NIN: variants seen among roughly 807,000 people sequenced by gnomAD.
NIN encodes ninein.
Under a neutral mutation model 257.6 loss-of-function variants are expected in NIN, and 137 were observed. The observed-to-expected ratio is 0.53, with a 90% CI of 0.46 to 0.61. NIN has a LOEUF of 0.61. Among genes scored for constraint, NIN ranks in the 20% least tolerant of loss-of-function variants. The pLI, the probability that NIN is intolerant of heterozygous loss-of-function variation, is 0.00. For missense variants in NIN, 2,439 were observed against 2,501.2 expected, an observed-to-expected ratio of 0.98 and a Z score of 0.53; for synonymous variants, 918 against 919.8, an observed-to-expected ratio of 1.00 and a Z score of 0.04.
At chr14:50,812,848 A>G (rs117452336) in intron 3 of NIN, among the ~76,000 whole-genome samples, 3,275 of 152,382 alleles carry the variant, frequency 0.021, 49 homozygotes, top group South Asian at 0.036. Flanking sequence ...TCAGAGCCCA[A>G]TAACGTCTAC....
chr14:50,735,580 G>A lies in NIN; in HGVS notation c.5813C>T (p.Thr1938Ile). The A allele has an allele frequency of 1.2e-6, 2 of 1,612,328 alleles. No homozygotes were observed. Among genetic ancestry groups the A allele is most frequent in the Non-Finnish European group, 1.7e-6 (2 of 1,179,908 alleles). The change falls in exon 28 of 31, where the codon ACA becomes ATA. Residue 1938 changes from threonine (T) to isoleucine (I), a missense_variant. Thr to Ile is a moderately conservative substitution (Grantham distance 89). Coordinates refer to ENST00000530997, the MANE Select transcript of NIN (RefSeq NM_020921.4). Reference protein sequence around the residue: ...QMNSLEQELETIHLENEGLKK... With the variant: ...QMNSLEQELEIIHLENEGLKK... ...CAGGCCTTCATTTTCCAAATGAATT[G>A]TTTCTAATTCTTGTTCAAGGGAATT...
chr14:50,758,608 T>TAC lies in NIN; in HGVS notation c.2420_2421dup (p.Asn808ValfsTer8), dbSNP rs1326546300. 1.3e-6 allele frequency: 2 copies of TAC among 1,572,922 alleles called. No homozygotes were observed. The highest frequency in any genetic ancestry group is 1.4e-5 in the African/African-American group (1 of 72,910). Reference sequence around the variant, plus strand: ...GCTTCTATTTGAGAGGTTCTTCTATTACACTCTGTTTCCATTTTTTCCCTA... The same window carrying TAC: ...GCTTCTATTTGAGAGGTTCTTCTATTACACACTCTGTTTCCATTTTTTCCCTA... On this transcript the variant is annotated frameshift_variant, in exon 18 of 31. Transcript: ENST00000530997. LOFTEE classifies it high-confidence loss of function.
At chr14:50,825,314 A>G (rs2045410045) in intron 2 of NIN, among the ~76,000 whole-genome samples, 2 of 152,258 alleles carry the variant, frequency 1.3e-5, no homozygotes, top group South Asian at 2.1e-4. Context: ...TACTATGTAT[A>G]TAAACATCAT....
chr14:50,757,534 G>T lies in NIN; in HGVS notation c.3496C>A (p.Gln1166Lys), dbSNP rs776309640. ...TCAGACTCCTCTATTTTGACTTCCT[G>T]TCTCTGAACAGAGCTCGTCCCTGTA... Reference protein sequence around the residue: ...GSTGTSSVQRQEVKIEESEAS... With the variant: ...GSTGTSSVQRKEVKIEESEAS... Residue 1166 changes from glutamine (Q) to lysine (K), a missense_variant, in exon 18 of 31, where the codon CAG becomes AAG. Coordinates refer to ENST00000530997, the MANE Select transcript of NIN (RefSeq NM_020921.4). 1 of 1,613,902 alleles carries T rather than the reference G, an allele frequency of 6.2e-7. No homozygotes were observed. The highest frequency in any genetic ancestry group is 8.5e-7 in the Non-Finnish European group (1 of 1,179,984).
intron 3 of NIN, among the ~76,000 whole-genome samples, chr14:50,813,423 C>T (rs765382856): frequency 4.6e-5 from 7 of 152,100 alleles, no homozygotes; most frequent in South Asian, 2.1e-4. Context: ...ACACGACTGA[C>T]GAAAAATACA....
Position 50,752,602 on chromosome 14 carries a change from T to G in NIN, c.4866A>C (p.Glu1622Asp), listed in dbSNP as rs77959782. ...CCAATGCACTGTTTCCTGGCTCTTT[T>G]TCCTTCTGGCATAGCATTTCTGTTA... is the stretch of plus-strand genomic sequence containing the variant. ...QRLTEMLCQK[E>D]KEPGNSALEE... The change falls in exon 21 of 31, where the codon GAA becomes GAC. Residue 1622 changes from glutamate to aspartate, a missense_variant. Physicochemically the swap from Glu to Asp is conservative, Grantham distance 45. Around this residue, in one of 3 missense-constraint regions of NIN, gnomAD observed 2,043 missense variants for 2,050.2 expected, o/e 1.00. Transcript: ENST00000530997. 3,554 of 1,614,090 alleles carry G rather than the reference T, an allele frequency of 2.2e-3. 70 individuals carry two copies. The African/African-American group carries it at 0.043, about 19-fold the overall frequency.
intron 15 of NIN, 89 bp downstream of exon 15, chr14:50,763,737 A>AGTT (rs1192518712): frequency 1.8e-6 from 2 of 1,122,078 alleles, no homozygotes; most frequent in African/African-American, 3.1e-5. Flanking sequence ...TCTTTTTTCA[A>AGTT]GTTGCCAAAG....
chr14:50,820,571 T>A (rs190539877), intron 3 of NIN, among the ~76,000 whole-genome samples: 22 of 152,320 alleles, frequency 1.4e-4, no homozygotes, highest in Non-Finnish European at 2.5e-4. Flanking sequence ...AGTCTAAGAC[T>A]GAGGCGGAAC....
chr14:50,743,626 C>T, intron 23 of NIN, 97 bp from the exon 24 acceptor site: 1 of 706,792 alleles, frequency 1.4e-6, no homozygotes, highest in Non-Finnish European at 2.5e-6. Context: ...GAACAAGTAC[C>T]ATCTATTTAT....
intron 21 of NIN, among the ~76,000 whole-genome samples, chr14:50,749,154 C>T (rs545314649): frequency 6.6e-6 from 1 of 152,260 alleles, no homozygotes; most frequent in East Asian, 1.9e-4. Flanking sequence ...AGAAATAACA[C>T]TACACATCTG....
Position 50,821,968 on chromosome 14 carries a change from T to C in NIN, c.89A>G (p.Gln30Arg), listed in dbSNP as rs780812813. 6.2e-7 allele frequency: 1 copy of C among 1,614,096 alleles called. No homozygotes were observed. The highest frequency in any genetic ancestry group is 8.5e-7 in the Non-Finnish European group (1 of 1,180,034). ...FDTTGTGSLG[Q>R]EELTDLCHML... ...GTGGCAAAGGTCGGTGAGTTCCTCC[T>C]GCCCCAGGGACCCTGTGCCCGTCGT... Residue 30 changes from glutamine to arginine, a missense_variant, in exon 3 of 31, where the codon CAG becomes CGG. Physicochemically the swap from Gln to Arg is conservative, Grantham distance 43 (BLOSUM62 1). Coordinates refer to ENST00000530997, the MANE Select transcript of NIN (RefSeq NM_020921.4).
chr14:50,810,270 C>T lies in NIN; in HGVS notation c.184-3452G>A, dbSNP rs1229390288. Among the ~76,000 whole-genome samples the T allele has an allele frequency of 5.9e-5, 9 of 151,480 alleles. No homozygotes were observed. In the South Asian group the frequency reaches 1.7e-3, roughly 28 times the overall value. ...AAAAGAAAATGCCAAAGGACCAACTCAGTATTTTCCACATTCCTACTCTAC... is the reference window on the plus strand; with the variant it reads ...AAAAGAAAATGCCAAAGGACCAACTTAGTATTTTCCACATTCCTACTCTAC... On this transcript the variant is annotated intron_variant, in intron 3 of 30. Coordinates refer to ENST00000530997, the MANE Select transcript of NIN (RefSeq NM_020921.4).
intron 4 of NIN, among the ~76,000 whole-genome samples, chr14:50,794,192 G>C (rs1257092859): frequency 6.6e-6 from 1 of 152,306 alleles, no homozygotes; most frequent in East Asian, 1.9e-4. Flanking sequence ...TCCCCGCCAT[G>C]TCCTTCCCTC....
intron 17 of NIN, among the ~76,000 whole-genome samples, chr14:50,759,274 T>G (rs2042169029): frequency 6.6e-6 from 1 of 152,224 alleles, no homozygotes; most frequent in Non-Finnish European, 1.5e-5. Context: ...ACTTTTGGGA[T>G]AATCTTATCC....
intron 17 of NIN, 22 bp from the exon 18 acceptor site, chr14:50,758,652 C>T: frequency 6.6e-7 from 1 of 1,525,334 alleles, no homozygotes; most frequent in Non-Finnish European, 8.8e-7. Flanking sequence ...CAACATACAG[C>T]ATTATTGAAA....
intron 5 of NIN, among the ~76,000 whole-genome samples, chr14:50,783,627 T>C (rs2043223697): frequency 6.6e-6 from 1 of 151,882 alleles, no homozygotes; most frequent in Non-Finnish European, 1.5e-5. Flanking sequence ...TGGCTGAGCA[T>C]TTGTTATTAA....
intron 7 of NIN, among the ~76,000 whole-genome samples, chr14:50,775,218 T>C (rs1444369965): frequency 1.3e-5 from 2 of 152,056 alleles, no homozygotes; most frequent in Non-Finnish European, 2.9e-5. Context: ...TTTTTCAATG[T>C]AGCAAAAAGT....
At chr14:50,734,788 T>C (rs1264973128) in intron 28 of NIN, among the ~76,000 whole-genome samples, 1 of 152,112 alleles carries the variant, frequency 6.6e-6, no homozygotes. Context: ...TAAACAATCC[T>C]GTCTCAGCCT....
intron 26 of NIN, among the ~76,000 whole-genome samples, 199 bp downstream of exon 26, chr14:50,739,109 G>A (rs1227676465): frequency 6.6e-6 from 1 of 151,946 alleles, no homozygotes; most frequent in Non-Finnish European, 1.5e-5. Flanking sequence ...ATATAAAACT[G>A]CTTATAAAAA....
Sources: allele counts gnomAD v4.1 joint callset (sites outside exome capture counted in the v4.1 genomes callset), GRCh38; gene constraint gnomAD v4.1.1; regional missense constraint gnomAD v4.1.1; transcripts MANE v1.5; gene names NCBI Gene and HGNC (gene_info 2026-07-23, HGNC 2026-07-21).